CSMD1: variants seen among roughly 807,000 people sequenced by gnomAD.
The protein encoded by CSMD1 is CUB and Sushi multiple domains 1.
CSMD1 carries 213 observed loss-of-function variants against 417.5 expected under a neutral mutation model. The ratio of observed to expected loss-of-function variants is 0.51; its 90% CI spans 0.46 to 0.57. The LOEUF (loss-of-function observed/expected upper bound fraction) is 0.57. Ranked by LOEUF, CSMD1 falls within the 20% of genes least tolerant of loss-of-function variation. The pLI is 0.00. For missense variants in CSMD1, 6,923 were observed against 4,529.7 expected (o/e 1.53, Z -15.17); for synonymous variants, 2,862 against 1,736.8 (o/e 1.65, Z -16.11).
At chr8:4,547,994 C>A (rs749690409) in intron 2 of CSMD1, among the ~76,000 whole-genome samples, 7 of 152,150 alleles carry the variant, frequency 4.6e-5, no homozygotes, top group Non-Finnish European at 8.8e-5. Context: ...AGGCCAGGCA[C>A]TCCCAAGCAA....
intron 3 of CSMD1, among the ~76,000 whole-genome samples, chr8:4,208,038 A>G (rs1563274876): frequency 6.6e-6 from 1 of 152,180 alleles, no homozygotes; most frequent in Admixed American, 6.5e-5. Context: ...GAATATGTAA[A>G]TATATGAGGG....
intron 5 of CSMD1, among the ~76,000 whole-genome samples, chr8:3,828,512 G>C (rs1802184592): frequency 6.6e-6 from 1 of 152,154 alleles, no homozygotes; most frequent in Non-Finnish European, 1.5e-5. Context: ...CCAAACACTA[G>C]TTATCTATAA....
At chr8:4,111,743 GCAA>G (rs1254383438) in intron 3 of CSMD1, among the ~76,000 whole-genome samples, 1 of 152,086 alleles carries the variant, frequency 6.6e-6, no homozygotes, top group African/African-American at 2.4e-5. Context: ...AACAGAGAGG[GCAA>G]CAACACACAC....
At chr8:4,222,360 GTAAACAGAATAAGAAGCTTCCATCTTA>G (rs1801083775) in intron 3 of CSMD1, among the ~76,000 whole-genome samples, 1 of 140 alleles carries the variant, frequency 7.1e-3, no homozygotes, top group East Asian at 0.17. Context: ...GTCTTATTCT[GTAAACAGAATAAGAAGCTTCCATCTTA>G]TTCTGTAAAC....
At chr8:4,037,233 A>G (rs1797669361) in intron 3 of CSMD1, among the ~76,000 whole-genome samples, 1 of 152,350 alleles carries the variant, frequency 6.6e-6, no homozygotes, top group East Asian at 1.9e-4. Flanking sequence ...ATGACAAGTA[A>G]TATGACATAG....
At chr8:3,898,480 A>G (rs1807513103) in intron 5 of CSMD1, among the ~76,000 whole-genome samples, 1 of 152,210 alleles carries the variant, frequency 6.6e-6, no homozygotes, top group African/African-American at 2.4e-5. Flanking sequence ...TCGCATCATA[A>G]TTGTACAAAA....
intron 3 of CSMD1, among the ~76,000 whole-genome samples, chr8:4,303,950 C>T (rs956711486): frequency 1.1e-4 from 17 of 152,160 alleles, no homozygotes; most frequent in African/African-American, 4.1e-4. Context: ...CTCCAGCTGC[C>T]ACTTTTCCCT....
intron 2 of CSMD1, among the ~76,000 whole-genome samples, chr8:4,531,035 G>C (rs924857497): frequency 3.3e-5 from 5 of 151,988 alleles, no homozygotes; most frequent in Admixed American, 2.6e-4. Flanking sequence ...GCTCTCTGTT[G>C]GATTACGTTG....
At chr8:4,873,747 A>C (rs868231963) in intron 1 of CSMD1, among the ~76,000 whole-genome samples, 1 of 152,260 alleles carries the variant, frequency 6.6e-6, no homozygotes, top group African/African-American at 2.4e-5. Context: ...GCCTTGAAAA[A>C]TATGTAGCAC....
chr8:3,612,400 G>A (rs535437012), intron 8 of CSMD1, among the ~76,000 whole-genome samples: 2 of 152,228 alleles, frequency 1.3e-5, no homozygotes, highest in East Asian at 3.9e-4. Context: ...TCTGACAAGT[G>A]TTAAGAAAAT....
intron 3 of CSMD1, among the ~76,000 whole-genome samples, chr8:4,164,793 G>C (rs141634167): frequency 1.3e-5 from 2 of 151,826 alleles, no homozygotes; most frequent in African/African-American, 4.8e-5. Context: ...GGAGAATGGC[G>C]TGAAATCCAG....
At chr8:4,235,794 T>C (rs182490558) in intron 3 of CSMD1, among the ~76,000 whole-genome samples, 1 of 152,344 alleles carries the variant, frequency 6.6e-6, no homozygotes, top group Non-Finnish European at 1.5e-5. Flanking sequence ...TTTTTTTCTT[T>C]GAAACATTTG....
chr8:3,582,728 A>G (rs1800435708), intron 9 of CSMD1, among the ~76,000 whole-genome samples: 2 of 152,224 alleles, frequency 1.3e-5, no homozygotes, highest in Non-Finnish European at 2.9e-5. Flanking sequence ...TCTCATTATC[A>G]TATTTGTATT....
In CSMD1 at chr8:3,394,055, T is replaced by G. The variant is rs1324506213; in HGVS notation, c.2593+2139A>C. On this transcript the variant is annotated intron_variant, in intron 17 of 69. Coordinates refer to ENST00000635120, the MANE Select transcript of CSMD1 (RefSeq NM_033225.6). ...ATATATATATATATATATATATATA[T>G]AGAAAAAAAGAAAAATGGCAAAGAG... Among the ~76,000 whole-genome samples the G allele has an allele frequency of 8.9e-5, 10 of 112,352 alleles. No homozygotes were observed. The East Asian group carries it at 1.6e-3, about 18-fold the overall frequency. 73.7% of individuals were successfully genotyped at this position (112,352 alleles called of 152,430 possible).
At chr8:4,322,556 G>T (rs188090010) in intron 3 of CSMD1, among the ~76,000 whole-genome samples, 1 of 151,838 alleles carries the variant, frequency 6.6e-6, no homozygotes, top group Non-Finnish European at 1.5e-5. Context: ...CCTGAAGAGA[G>T]TAAGTAAGAT....
intron 5 of CSMD1, among the ~76,000 whole-genome samples, chr8:3,842,397 T>C (rs951588304): frequency 1.3e-5 from 2 of 152,172 alleles, no homozygotes; most frequent in African/African-American, 4.8e-5. Flanking sequence ...TCCTGACAGT[T>C]GGCTGTGCAT....
intron 1 of CSMD1, among the ~76,000 whole-genome samples, chr8:4,651,464 C>G (rs562214925): frequency 3.5e-4 from 54 of 152,172 alleles, no homozygotes; most frequent in Admixed American, 6.5e-4. Flanking sequence ...TAGTCATATA[C>G]TGGTGGGGGG....
intron 3 of CSMD1, among the ~76,000 whole-genome samples, chr8:4,124,062 C>T (rs1197962392): frequency 2.6e-5 from 4 of 151,890 alleles, no homozygotes; most frequent in Non-Finnish European, 5.9e-5. Context: ...ATTCCCAACA[C>T]ACAGACTTCT....
chr8:3,359,116 C>T (rs1244884697), intron 21 of CSMD1, 36 bp downstream of exon 21: 8 of 1,606,122 alleles, frequency 5.0e-6, no homozygotes, highest in East Asian at 4.5e-5. Context: ...ACCCTGCCCC[C>T]ATGGATGAAT....
Sources: allele counts gnomAD v4.1 joint callset (sites outside exome capture counted in the v4.1 genomes callset), GRCh38; gene constraint gnomAD v4.1.1; transcripts MANE v1.5; gene names NCBI Gene and HGNC (gene_info 2026-07-23, HGNC 2026-07-21).